CUL3: variants seen among roughly 807,000 people sequenced by gnomAD.
The protein encoded by CUL3 is cullin 3, also known as cullin-3.
Under a neutral mutation model 89.1 loss-of-function variants are expected in CUL3, and 19 were observed. The ratio of observed to expected loss-of-function variants is 0.21; its 90% CI spans 0.15 to 0.31. CUL3 has a LOEUF of 0.31. CUL3 is among the 10% of genes least tolerant of loss of function. The pLI is 1.00. For missense variants in CUL3, 469 were observed against 942.3 expected (o/e 0.50, Z 6.58); for synonymous variants, 351 against 308.4 (o/e 1.14, Z -1.45).
At chr2:224,578,620 T>C (rs973663965) in intron 1 of CUL3, among the ~76,000 whole-genome samples, 1 of 152,172 alleles carries the variant, frequency 6.6e-6, no homozygotes, top group African/African-American at 2.4e-5. Context: ...GATAGACTAA[T>C]AACTAATTGT....
At chr2:224,517,067 C>T (rs1693080505) in intron 3 of CUL3, among the ~76,000 whole-genome samples, 1 of 151,602 alleles carries the variant, frequency 6.6e-6, no homozygotes, top group Admixed American at 6.6e-5. Context: ...TTTAATAATT[C>T]AAAAACCAAC....
At chr2:224,493,177 T>G (rs1440201763) in intron 13 of CUL3, among the ~76,000 whole-genome samples, 1 of 152,196 alleles carries the variant, frequency 6.6e-6, no homozygotes, top group East Asian at 1.9e-4. Flanking sequence ...TAGTGGTTGT[T>G]TTAAATCACT....
At chr2:224,482,229 T>C (rs910290519) in intron 13 of CUL3, 151 bp from the exon 14 acceptor site, 8 of 526,960 alleles carry the variant, frequency 1.5e-5, no homozygotes, top group Non-Finnish European at 2.6e-5. Context: ...CTATGACACA[T>C]CATTAAAATC....
At chr2:224,544,148 G>A (rs1381092310) in intron 2 of CUL3, among the ~76,000 whole-genome samples, 1 of 152,136 alleles carries the variant, frequency 6.6e-6, no homozygotes, top group East Asian at 1.9e-4. Context: ...TGTGACTATG[G>A]TTGATTAGAT....
At chr2:224,525,472 T>C (rs553070648) in intron 3 of CUL3, among the ~76,000 whole-genome samples, 11 of 152,340 alleles carry the variant, frequency 7.2e-5, no homozygotes, top group Non-Finnish European at 1.2e-4. Context: ...ATTTAAAACA[T>C]GTGGCACAGT....
intron 2 of CUL3, among the ~76,000 whole-genome samples, chr2:224,543,706 G>A (rs537220002): frequency 6.6e-6 from 1 of 152,286 alleles, no homozygotes; most frequent in Admixed American, 6.5e-5. Context: ...TTTTGGCCTG[G>A]TGTGGCGGCT....
rs1209395804 is a variant in CUL3, at chr2:224,519,729, T to G, written c.379-4957A>C. On this transcript the variant is annotated intron_variant, in intron 3 of 15. Coordinates refer to ENST00000264414, the MANE Select transcript of CUL3 (RefSeq NM_003590.5). Reference sequence around the variant, plus strand: ...CAGATGCATAACCCTTGAGTATTTGTGTGCATATGTTAAACAGAAATGCAC... The same window carrying G: ...CAGATGCATAACCCTTGAGTATTTGGGTGCATATGTTAAACAGAAATGCAC... Among the ~76,000 whole-genome samples the G allele has an allele frequency of 2.6e-5, 4 of 152,208 alleles. No individual in the cohort carries two copies. In the East Asian group the frequency reaches 7.7e-4, roughly 29 times the overall value.
chr2:224,554,627 T>C (rs961478595), intron 2 of CUL3, among the ~76,000 whole-genome samples: 4 of 152,206 alleles, frequency 2.6e-5, no homozygotes, highest in South Asian at 4.1e-4. Context: ...ACAGACATAA[T>C]AGTAGTATCT....
intron 15 of CUL3, 162 bp from the exon 16 acceptor site, chr2:224,474,538 A>C: frequency 1.7e-6 from 1 of 599,750 alleles, no homozygotes; most frequent in Middle Eastern, 4.5e-4. Flanking sequence ...TGAAAATGTA[A>C]TATTATGGTT....
intron 12 of CUL3, among the ~76,000 whole-genome samples, chr2:224,497,419 G>C (rs1473057404): frequency 1.3e-5 from 2 of 151,964 alleles, no homozygotes; most frequent in Non-Finnish European, 2.9e-5. Flanking sequence ...TTTTGAAAAG[G>C]GGCTCATGGC....
intron 1 of CUL3, among the ~76,000 whole-genome samples, chr2:224,583,879 C>T (rs750817397): frequency 2.0e-5 from 3 of 152,204 alleles, no homozygotes; most frequent in Non-Finnish European, 4.4e-5. Context: ...TTCGCTGGTA[C>T]ATCATATGAA....
At chr2:224,531,535 T>C (rs904151682) in intron 3 of CUL3, among the ~76,000 whole-genome samples, 6 of 145,824 alleles carry the variant, frequency 4.1e-5, no homozygotes, top group African/African-American at 1.6e-4. Flanking sequence ...AAAGACATAA[T>C]AGTACACAAA....
In CUL3 at chr2:224,471,928, C is replaced by A. The variant is rs552315813; in HGVS notation, c.*2317G>T. The A allele has an allele frequency of 1.2e-4, 27 of 230,894 alleles. No individual in the cohort carries two copies. Among genetic ancestry groups the A allele is most frequent in the African/African-American group, 5.5e-4 (25 of 45,352 alleles). The allele number at this position is 230,894 out of a possible 1,614,324, so 14.3% of individuals were successfully genotyped here. On this transcript the variant is annotated 3_prime_UTR_variant, in exon 16 of 16. Transcript: ENST00000264414. ...CCAACAGGATGGAATGGTTAGGATG[C>A]ATTTTTCTTTCAAATTAAAGCATTA... is the stretch of plus-strand genomic sequence containing the variant.
Position 224,473,489 on chromosome 2 carries a change from T to C in CUL3, c.*756A>G, listed in dbSNP as rs1403381312. On this transcript the variant is annotated 3_prime_UTR_variant, in exon 16 of 16. Transcript: ENST00000264414. The stretch of plus-strand genomic sequence containing the variant: ...TATACAATCCACTATTAGCAGTGAG[T>C]ACAACAGCAAAAAAATTATTGTACA... The C allele has an allele frequency of 1.1e-5, 2 of 183,134 alleles. No individual in the cohort carries two copies. Among genetic ancestry groups the C allele is most frequent in the East Asian group, 8.9e-5 (1 of 11,188 alleles). The allele number at this position is 183,134 out of a possible 1,614,324, so 11.3% of individuals were successfully genotyped here.
chr2:224,581,797 G>A (rs1695444799), intron 1 of CUL3, among the ~76,000 whole-genome samples: 1 of 151,818 alleles, frequency 6.6e-6, no homozygotes, highest in Non-Finnish European at 1.5e-5. Flanking sequence ...AGGTGTGAAG[G>A]TGTGAATCAC....
chr2:224,569,213 T>C (rs1695120235), intron 1 of CUL3, among the ~76,000 whole-genome samples: 1 of 152,194 alleles, frequency 6.6e-6, no homozygotes, highest in African/African-American at 2.4e-5. Flanking sequence ...CTAAGGGATC[T>C]AGCAACTAAT....
At chr2:224,490,834 C>T (rs1457752756) in intron 13 of CUL3, among the ~76,000 whole-genome samples, 1 of 151,938 alleles carries the variant, frequency 6.6e-6, no homozygotes, top group African/African-American at 2.4e-5. Context: ...AACTTGTATA[C>T]TTTTTAATAA....
chr2:224,524,709 T>TA (rs1693401056), intron 3 of CUL3, among the ~76,000 whole-genome samples: 1 of 152,104 alleles, frequency 6.6e-6, no homozygotes, highest in Admixed American at 6.6e-5. Context: ...TGGAGGAAGG[T>TA]ATCATGCAGG....
At chr2:224,565,148 CA>C (rs1695010231) in intron 1 of CUL3, among the ~76,000 whole-genome samples, 1 of 152,178 alleles carries the variant, frequency 6.6e-6, no homozygotes, top group South Asian at 2.1e-4. Flanking sequence ...ACTGTCGACC[CA>C]AAGCTTTACC....
Sources: gnomAD v4.1 joint callset for allele counts (sites outside exome capture counted in the v4.1 genomes callset) on GRCh38, gnomAD v4.1.1 for gene constraint, MANE v1.5 for transcripts, NCBI Gene and HGNC (gene_info 2026-07-23, HGNC 2026-07-21) for gene names.